The following MTG1 variants were observed in gnomAD, a reference collection of about 807,000 sequenced individuals.
MTG1 encodes the protein mitochondrial ribosome-associated GTPase 1.
MTG1 carries 30 observed loss-of-function variants against 39.5 expected under a neutral mutation model. The ratio of observed to expected loss-of-function variants is 0.76; its 90% confidence interval spans 0.57 to 1.03. MTG1 has a LOEUF of 1.03. MTG1 is among the 50% of genes least tolerant of loss of function. MTG1 has a pLI of 0.00. For synonymous variants in MTG1, 217 were observed against 179.0 expected, an observed-to-expected ratio of 1.21 and a Z score of -1.69; for missense variants, 513 against 447.4, an observed-to-expected ratio of 1.15 and a Z score of -1.32.
At chr10:133,403,924 A>C (rs1220701286) in intron 9 of MTG1, among the ~76,000 whole-genome samples, 3 of 152,046 alleles carry the variant, frequency 2.0e-5, no homozygotes, top group African/African-American at 7.2e-5. Flanking sequence ...TTTCTCTAAG[A>C]TCAGTCTTTA....
chr10:133,394,224 A>C lies in MTG1; in HGVS notation c.4A>C (p.Arg2=). Residue 2 remains arginine (R), a synonymous_variant, in exon 1 of 11, where the codon AGA becomes CGA. Transcript: ENST00000317502. M[R]LTPRALCSAA... is the part of the protein sequence containing the mutation. ...CGTTTCCGGGGACGGTGCCGCCATG[A>C]GATTGACCCCGCGCGCGCTGTGCAG... 6.6e-7 allele frequency: 1 copy of C among 1,516,148 alleles called. No individual in the cohort carries two copies. The highest frequency in any genetic ancestry group is 8.8e-7 in the Non-Finnish European group (1 of 1,136,878). 93.9% of individuals were successfully genotyped at this position (1,516,148 alleles called of 1,614,324 possible).
At position 133,402,715 on chromosome 10, in the gene MTG1, G is replaced by A. The variant is rs767743300; in HGVS notation, c.694G>A (p.Gly232Arg). 43 of 1,607,750 alleles carry A rather than the reference G, an allele frequency of 2.7e-5. No individual in the cohort carries two copies. Among genetic ancestry groups the A allele is most frequent in the African/African-American group, 1.6e-4 (12 of 74,782 alleles). ...AGGAACGGTGCTGGACCACCTGGTCGGGGAGGAGACCATGGCTGACTACCT... is the reference window on the plus strand; with the variant it reads ...AGGAACGGTGCTGGACCACCTGGTCAGGGAGGAGACCATGGCTGACTACCT... Reference protein sequence around the residue: ...LCGTVLDHLVGEETMADYLLY... With the variant: ...LCGTVLDHLVREETMADYLLY... Residue 232 changes from glycine to arginine, a missense_variant, in exon 9 of 11, where the codon GGG becomes AGG. Coordinates refer to ENST00000317502, the MANE Select transcript of MTG1 (RefSeq NM_138384.4). This position sits in a 1 kb window ranked among gnomAD's most constrained non-coding sequence, Gnocchi z 4.7.
chr10:133,395,566 A>T, intron 1 of MTG1, 147 bp from the exon 2 acceptor site: 2 of 744,450 alleles, frequency 2.7e-6, no homozygotes, highest in Non-Finnish European at 4.5e-6. Flanking sequence ...AGCGGATGTT[A>T]TCTGTTACCA....
chr10:133,394,619 C>G (rs1236656876), intron 1 of MTG1: 12 of 1,270,322 alleles, frequency 9.4e-6, no homozygotes, highest in African/African-American at 1.6e-5. Flanking sequence ...CCCCTGTCCT[C>G]TGTTCCCAGC....
At chr10:133,399,660 G>A (rs773676355) in intron 6 of MTG1, 41 bp downstream of exon 6, 1 of 1,597,360 alleles carries the variant, frequency 6.3e-7, no homozygotes, top group Non-Finnish European at 8.6e-7. Context: ...AAAGGTACTG[G>A]CGCGTGTGGC....
In MTG1 at chr10:133,395,709, C is replaced by T. The variant is rs776823957; in HGVS notation, c.113-4C>T. On this transcript the variant is annotated splice_polypyrimidine_tract_variant and splice_region_variant and intron_variant, in intron 1 of 10. Coordinates refer to ENST00000317502, the MANE Select transcript of MTG1 (RefSeq NM_138384.4). ...CTTCGCTGAGGCGTCCTTCTGTTTT[C>T]CAGGGCTGAAGAAGATGCAGAGCAG... 7 of 1,613,846 alleles carry T rather than the reference C, an allele frequency of 4.3e-6. No individual in the cohort carries two copies. Among genetic ancestry groups the T allele is most frequent in the Non-Finnish European group, 5.1e-6 (6 of 1,179,936 alleles).
intron 3 of MTG1, 53 bp from the exon 4 acceptor site, chr10:133,398,381 CA>C: frequency 6.4e-7 from 1 of 1,571,902 alleles, no homozygotes; most frequent in Non-Finnish European, 8.7e-7. Flanking sequence ...GCCTGGGTGA[CA>C]GAGCCAAGAC....
intron 6 of MTG1, chr10:133,401,322 A>G (rs1849871139): frequency 2.1e-6 from 1 of 481,318 alleles, no homozygotes; most frequent in East Asian, 3.5e-5. Context: ...AACAAATTAT[A>G]GCCTTGGGAA....
intron 9 of MTG1, among the ~76,000 whole-genome samples, chr10:133,406,445 C>G (rs1275982969): frequency 2.0e-5 from 3 of 152,068 alleles, no homozygotes; most frequent in African/African-American, 7.2e-5. Context: ...GCACGTACCA[C>G]CATGCCTGGC....
chr10:133,397,166 A>G (rs1849795444), intron 3 of MTG1, among the ~76,000 whole-genome samples: 1 of 152,254 alleles, frequency 6.6e-6, no homozygotes, highest in Non-Finnish European at 1.5e-5. Flanking sequence ...TTTAGATAGC[A>G]GTAGCAAAAT....
Position 133,420,757 on chromosome 10 carries a change from C to G in MTG1, c.*592C>G, listed in dbSNP as rs943000058. 6.6e-6 allele frequency: 1 copy of G among 152,634 alleles called. No homozygotes were observed. The highest frequency in any genetic ancestry group is 1.5e-5 in the Non-Finnish European group (1 of 68,342). The allele number at this position is 152,634 out of a possible 1,614,324, so 9.5% of individuals were successfully genotyped here. ...CAGAGCCCAAGCACTGGCTTCGCCC[C>G]TCAGTGCCCTGGGGCATGTTCAGGG... On this transcript the variant is annotated 3_prime_UTR_variant, in exon 11 of 11. Coordinates refer to ENST00000317502, the MANE Select transcript of MTG1 (RefSeq NM_138384.4).
At chr10:133,400,937 G>A (rs900513036) in intron 6 of MTG1, among the ~76,000 whole-genome samples, 1 of 152,210 alleles carries the variant, frequency 6.6e-6, no homozygotes, top group Non-Finnish European at 1.5e-5. Flanking sequence ...CCTTTTTAAG[G>A]CTGATCACCC....
rs147358807 is a variant in MTG1 at position 133,402,191 on chromosome 10, G to C, written c.616G>C (p.Val206Leu). 2.5e-6 allele frequency: 4 copies of C among 1,613,958 alleles called. No homozygotes were observed. The highest frequency in any genetic ancestry group is 3.4e-6 in the Non-Finnish European group (4 of 1,179,988). ...PLMFLLDTPG[V>L]LAPRIESVET... ...GATGTTCCTGTTGGACACTCCTGGC[G>C]TGCTGGCTCCTCGGATTGAAAGTGT... Residue 206 changes from valine (V) to leucine (L), a missense_variant, in exon 8 of 11, where the codon GTG (valine) becomes CTG (leucine). Coordinates refer to ENST00000317502, the MANE Select transcript of MTG1 (RefSeq NM_138384.4). The surrounding 1 kb of genome is among the most constrained non-coding windows in gnomAD (Gnocchi z 4.7).
At chr10:133,399,729 C>A in intron 6 of MTG1, 110 bp downstream of exon 6, 3 of 1,097,374 alleles carry the variant, frequency 2.7e-6, no homozygotes, top group Non-Finnish European at 4.1e-6. Context: ...CACTGCCAGT[C>A]TTCTGCTGAC....
chr10:133,397,188 C>A lies in MTG1; in HGVS notation c.282+921C>A, dbSNP rs1165001397. Among the ~76,000 whole-genome samples the A allele has an allele frequency of 2.0e-5, 3 of 152,190 alleles. No individual in the cohort carries two copies. The East Asian group carries it at 5.8e-4, about 29-fold the overall frequency. ...AGCAGTAGCAAAATTAGTGAAAGTA[C>A]CGAAAGTCTCTGATAAGCAGAAATA... On this transcript the variant is annotated intron_variant, in intron 3 of 10. Transcript: ENST00000317502.
Position 133,399,631 on chromosome 10 carries a change from T to C in MTG1, c.511+12T>C, listed in dbSNP as rs1355182710. 1 of 1,612,860 alleles carries C rather than the reference T, an allele frequency of 6.2e-7. No individual in the cohort carries two copies. Among genetic ancestry groups the C allele is most frequent in the Non-Finnish European group, 8.5e-7 (1 of 1,179,422 alleles). ...GCACCTCAGGAAAGGTACTGGCGCG[T>C]GCGGCTGATCACCTCAGGAAAGGTA... On this transcript the variant is annotated intron_variant, in intron 6 of 10. Coordinates refer to ENST00000317502, the MANE Select transcript of MTG1 (RefSeq NM_138384.4).
At chr10:133,397,108 C>T (rs1047226202) in intron 3 of MTG1, among the ~76,000 whole-genome samples, 3 of 152,234 alleles carry the variant, frequency 2.0e-5, no homozygotes, top group African/African-American at 7.2e-5. Context: ...TCAGTGGTCA[C>T]GCTCCTAGTC....
In MTG1 at chr10:133,394,205, C is replaced by G; in HGVS notation, c.-16C>G. The G allele has an allele frequency of 2.0e-6, 3 of 1,508,870 alleles. No homozygotes were observed. In the South Asian group the frequency reaches 3.7e-5, roughly 18 times the overall value. 93.5% of individuals were successfully genotyped at this position (1,508,870 alleles called of 1,614,324 possible). On this transcript the variant is annotated 5_prime_UTR_variant, in exon 1 of 11. Coordinates refer to ENST00000317502, the MANE Select transcript of MTG1 (RefSeq NM_138384.4). ...AGGAGGTCAGCTGCGGGAGCGTTTC[C>G]GGGGACGGTGCCGCCATGAGATTGA...
chr10:133,406,376 C>T (rs1036925840), intron 9 of MTG1, among the ~76,000 whole-genome samples: 1 of 152,258 alleles, frequency 6.6e-6, no homozygotes, highest in African/African-American at 2.4e-5. Flanking sequence ...ACTGCAGCCT[C>T]GAACTCTTGG....
Sources: allele counts gnomAD v4.1 joint callset (sites outside exome capture counted in the v4.1 genomes callset), GRCh38; gene constraint gnomAD v4.1.1; non-coding constraint Gnocchi (gnomAD v3.1); transcripts MANE v1.5; gene names NCBI Gene and HGNC (gene_info 2026-07-23, HGNC 2026-07-21).